Variants in GSDMD observed in about 807,000 individuals in gnomAD.
GSDMD encodes the protein gasdermin D.
GSDMD carries 46 observed loss-of-function variants against 46.7 expected under a neutral mutation model. The observed-to-expected ratio is 0.99, with a 90% CI of 0.78 to 1.26. GSDMD has a LOEUF of 1.26. Among genes scored for constraint, GSDMD ranks in the 50% most tolerant of loss-of-function variants. GSDMD has a pLI of 0.00. For missense variants in GSDMD, 649 were observed against 638.8 expected (o/e 1.02, Z -0.17); for synonymous variants, 307 against 283.1 (o/e 1.08, Z -0.85).
rs766456828 is a variant in GSDMD at position 143,562,096 on chromosome 8, C to T, written c.961C>T (p.Arg321Trp). ...GCTGGAGGGCCTGGAGGGGGTGCTG[C>T]GGGACCAGCTGGCCCTGCGAGCCTT... The part of the protein sequence containing the change: ...LLLEGLEGVL[R>W]DQLALRALEE... The change falls in exon 8 of 11, where the codon CGG (arginine) becomes TGG (tryptophan). Residue 321 changes from arginine to tryptophan, a missense_variant. Coordinates refer to ENST00000262580, the MANE Select transcript of GSDMD (RefSeq NM_024736.7). 1.3e-5 allele frequency: 21 copies of T among 1,596,304 alleles called. No individual in the cohort carries two copies. Among genetic ancestry groups the T allele is most frequent in the Middle Eastern group, 3.3e-4 (2 of 6,030 alleles).
chr8:143,562,463 A>G lies in GSDMD; in HGVS notation c.1154A>G (p.Gln385Arg), dbSNP rs766087548. ...TCTCTCCCAGTGCTGAGTGAAACGC[A>G]GCACAAGCTGCTGGCGGAGGCGCTG... ...LGALTMLSET[Q>R]HKLLAEALES... The change falls in exon 10 of 11, where the codon CAG becomes CGG. Residue 385 changes from glutamine (Q) to arginine (R), a missense_variant. Gln to Arg is a conservative substitution (Grantham distance 43). Coordinates refer to ENST00000262580, the MANE Select transcript of GSDMD (RefSeq NM_024736.7). 6.2e-7 allele frequency: 1 copy of G among 1,609,156 alleles called. No homozygotes were observed. Among genetic ancestry groups the G allele is most frequent in the South Asian group, 1.1e-5 (1 of 90,782 alleles).
At chr8:143,560,158 G>T in intron 3 of GSDMD, 189 bp downstream of exon 3, 2 of 713,224 alleles carry the variant, frequency 2.8e-6, no homozygotes, top group Admixed American at 2.0e-5. Context: ...ACAGGGGTGA[G>T]CCACTGTGCC....
chr8:143,559,896 A>G lies in GSDMD; in HGVS notation c.337A>G (p.Ser113Gly), dbSNP rs1324952371. 1.2e-6 allele frequency: 2 copies of G among 1,612,678 alleles called. No individual in the cohort carries two copies. The highest frequency in any genetic ancestry group is 1.7e-5 in the Admixed American group (1 of 60,000). ...KIAGGAAVSD[S>G]SSTSMNVYSL... ...CGCAGGCGGGGCCGCGGTGTCTGAC[A>G]GCTCCAGCACCTCAATGAATGTGTA... Residue 113 changes from serine to glycine, a missense_variant, in exon 3 of 11, where the codon AGC (serine) becomes GGC (glycine). Transcript: ENST00000262580.
chr8:143,562,483 G>C lies in GSDMD; in HGVS notation c.1174G>C (p.Ala392Pro). 1.2e-6 allele frequency: 2 copies of C among 1,609,018 alleles called. No individual in the cohort carries two copies. Among genetic ancestry groups the C allele is most frequent in the Admixed American group, 3.3e-5 (2 of 59,950 alleles). ...AACGCAGCACAAGCTGCTGGCGGAG[G>C]CGCTGGAGTCGCAGACCCTGTTGGG... is the stretch of plus-strand genomic sequence containing the variant. ...SETQHKLLAE[A>P]LESQTLLGPL... Residue 392 changes from alanine (A) to proline (P), a missense_variant, in exon 10 of 11, where the codon GCG becomes CCG. Ala to Pro is a conservative substitution (Grantham distance 27, BLOSUM62 -1). Transcript: ENST00000262580.
intron 5 of GSDMD, 26 bp downstream of exon 5, chr8:143,561,130 G>A: frequency 6.3e-7 from 1 of 1,599,334 alleles, no homozygotes; most frequent in Non-Finnish European, 8.6e-7. Flanking sequence ...GGGTGTCTCG[G>A]GCCCAGGCCC....
rs1025615262 is a variant in GSDMD at position 143,561,840 on chromosome 8, C to T, written c.823+12C>T. ...CAACTTCCTGACAGGTCAGTGCCCTCCTGACCGCCCCGGGGACCTTTGGTG... is the reference window on the plus strand; with the variant it reads ...CAACTTCCTGACAGGTCAGTGCCCTTCTGACCGCCCCGGGGACCTTTGGTG... On this transcript the variant is annotated intron_variant, in intron 7 of 10. Transcript: ENST00000262580. 2 of 1,609,870 alleles carry T rather than the reference C, an allele frequency of 1.2e-6. No individual in the cohort carries two copies. The highest frequency in any genetic ancestry group is 1.7e-6 in the Non-Finnish European group (2 of 1,178,016).
Position 143,559,988 on chromosome 8 carries a change from G to C in GSDMD, c.410+19G>C, listed in dbSNP as rs1823411432. On this transcript the variant is annotated intron_variant, in intron 3 of 10. Transcript: ENST00000262580. ...ATGAGAGGTGGGCCCGAAGAGGGCA[G>C]GGCAGGGCAGGGCCCCACCTACCCC... is the stretch of plus-strand genomic sequence containing the variant. 6.2e-7 allele frequency: 1 copy of C among 1,604,410 alleles called. No individual in the cohort carries two copies. Among genetic ancestry groups the C allele is most frequent in the Non-Finnish European group, 8.5e-7 (1 of 1,173,122 alleles).
intron 1 of GSDMD, 127 bp downstream of exon 1, chr8:143,558,578 A>C: frequency 1.1e-6 from 1 of 947,990 alleles, no homozygotes; most frequent in Non-Finnish European, 1.5e-6. Context: ...CGCGCCGCAC[A>C]CGGGGGCGGA....
At chr8:143,557,367 CTGCCGCTATGGCGAAGGATGA>C (rs796595490), upstream of GSDMD, among the ~76,000 whole-genome samples, 25,910 of 127,712 alleles carry the variant, frequency 0.2, 4,236 homozygotes, top group East Asian at 0.4. Flanking sequence ...GCGAAGGATG[CTGCCGCTATGGCGAAGGATGA>C]TGCCGCTGTG....
chr8:143,557,104 T>C (rs971656239), upstream of GSDMD, among the ~76,000 whole-genome samples: 2 of 152,286 alleles, frequency 1.3e-5, no homozygotes, highest in East Asian at 1.9e-4. Context: ...GTCCGCTCCG[T>C]GTGCCTGGCT....
upstream of GSDMD, chr8:143,558,274 C>G: frequency 6.9e-7 from 1 of 1,455,762 alleles, no homozygotes; most frequent in African/African-American, 1.4e-5. Flanking sequence ...GAAGAGGGGG[C>G]AGGAAGGGGG....
intron 3 of GSDMD, 182 bp downstream of exon 3, chr8:143,560,151 G>T: frequency 1.4e-6 from 1 of 720,392 alleles, no homozygotes; most frequent in Non-Finnish European, 2.5e-6. Flanking sequence ...TGGGATTACA[G>T]GGGTGAGCCA....
Position 143,562,125 on chromosome 8 carries a change from G to A in GSDMD, c.990G>A (p.Glu330=), listed in dbSNP as rs1823477598. 4 of 1,598,566 alleles carry A rather than the reference G, an allele frequency of 2.5e-6. No individual in the cohort carries two copies. The highest frequency in any genetic ancestry group is 2.2e-5 in the South Asian group (2 of 90,868). ...LRDQLALRAL[E]EALEQGQSLG... is the part of the protein sequence containing the mutation. ...ACCAGCTGGCCCTGCGAGCCTTGGA[G>A]GAGGCGGTGAGCGGGGGAGGGTGCC... Residue 330 remains glutamate, a synonymous_variant, in exon 8 of 11, where the codon GAG becomes GAA. Transcript: ENST00000262580.
chr8:143,555,948 TCA>T (rs1238082562), upstream of GSDMD: 1 of 152,236 alleles, frequency 6.6e-6, no homozygotes, highest in Non-Finnish European at 1.5e-5. Context: ...GTGCGGTGAC[TCA>T]CGCCTGTAAT....
chr8:143,557,290 TA>T (rs1287738561), upstream of GSDMD, among the ~76,000 whole-genome samples: 3 of 145,634 alleles, frequency 2.1e-5, no homozygotes, highest in Admixed American at 6.8e-5. Context: ...ACCTTGCCGC[TA>T]TGGCGAAGGA....
upstream of GSDMD, among the ~76,000 whole-genome samples, chr8:143,557,361 A>C (rs1170389180): frequency 0.015 from 1,350 of 89,870 alleles, 59 homozygotes; most frequent in African/African-American, 0.044. Context: ...GCTTTGGCGA[A>C]GGATGCTGCC....
rs762809107 is a variant in GSDMD, at chr8:143,561,049, C to T, written c.627C>T (p.Pro209=). 5.6e-6 allele frequency: 9 copies of T among 1,613,172 alleles called. No homozygotes were observed. In the Admixed American group the frequency reaches 1.3e-4, roughly 24 times the overall value. Residue 209 remains proline, a synonymous_variant, in exon 5 of 11, where the codon CCC becomes CCT. Coordinates refer to ENST00000262580, the MANE Select transcript of GSDMD (RefSeq NM_024736.7). ...HLSQKKTVTI[P]SGSTLAFRVA... is the part of the protein sequence containing the mutation. ...GCCAGAAGAAGACGGTCACCATCCC[C>T]TCAGGCAGCACCCTCGCATTCCGGG...
At chr8:143,560,875 C>T in intron 4 of GSDMD, 104 bp downstream of exon 4, 1 of 1,436,156 alleles carries the variant, frequency 7.0e-7, no homozygotes, top group Non-Finnish European at 9.3e-7. Flanking sequence ...CGGAGCAGCT[C>T]CCAGCCCTGC....
At chr8:143,560,139 G>A (rs1378500897) in intron 3 of GSDMD, 170 bp downstream of exon 3, 6 of 738,754 alleles carry the variant, frequency 8.1e-6, no homozygotes, top group African/African-American at 6.9e-5. Flanking sequence ...CTCCCAAAGT[G>A]CTGGGATTAC....
Sources: allele counts gnomAD v4.1 joint callset (sites outside exome capture counted in the v4.1 genomes callset), GRCh38; gene constraint gnomAD v4.1.1; transcripts MANE v1.5; gene names NCBI Gene and HGNC (gene_info 2026-07-23, HGNC 2026-07-21).